The following RAB3D variants were observed in gnomAD, a reference collection of about 807,000 sequenced individuals.
RAB3D encodes the protein RAB3D, member RAS oncogene family.
Under a neutral mutation model 19.3 loss-of-function variants are expected in RAB3D, and 17 were observed. The observed-to-expected ratio is 0.88, with a 90% CI of 0.60 to 1.32. RAB3D has a LOEUF of 1.32. Ranked by LOEUF, RAB3D falls within the 40% of genes most tolerant of loss-of-function variation. The probability of loss-of-function intolerance (pLI) is 0.00; values close to 1 mark genes in which losing one functional copy is unlikely to be tolerated. For missense variants in RAB3D, 223 were observed against 299.1 expected, an observed-to-expected ratio of 0.75 and a Z score of 1.88; for synonymous variants, 103 against 119.9, an observed-to-expected ratio of 0.86 and a Z score of 0.92.
At chr19:11,335,405 G>C in intron 4 of RAB3D, 42 bp downstream of exon 4, 5 of 1,610,796 alleles carry the variant, frequency 3.1e-6, no homozygotes, top group Non-Finnish European at 4.2e-6. Context: ...TGAGGGTTTG[G>C]TTCTGGGAGA....
intron 4 of RAB3D, among the ~76,000 whole-genome samples, chr19:11,335,069 G>A (rs536924655): frequency 6.6e-6 from 1 of 152,220 alleles, no homozygotes; most frequent in African/African-American, 2.4e-5. Flanking sequence ...TTCCATGGCT[G>A]CATAGTATTC....
intron 2 of RAB3D, among the ~76,000 whole-genome samples, chr19:11,336,467 C>T (rs554615073): frequency 1.3e-5 from 2 of 152,136 alleles, no homozygotes; most frequent in African/African-American, 4.8e-5. Context: ...AGCTACCATG[C>T]TGGGCTAATG....
At chr19:11,326,208 C>G (rs970930906) in intron 4 of RAB3D, among the ~76,000 whole-genome samples, 6 of 147,976 alleles carry the variant, frequency 4.1e-5, no homozygotes, top group African/African-American at 1.6e-4. Flanking sequence ...GGCAACAGAG[C>G]GAGATTCTAT....
chr19:11,329,626 A>G (rs1291387692), intron 4 of RAB3D, among the ~76,000 whole-genome samples: 10 of 152,024 alleles, frequency 6.6e-5, no homozygotes, highest in African/African-American at 2.4e-4. Context: ...AAATAAAACA[A>G]AAGAAAAGAA....
rs2080800356 is a variant in RAB3D, at chr19:11,324,592, T to G, written c.*806A>C. 1 of 152,222 alleles carries G rather than the reference T, an allele frequency of 6.6e-6. No individual in the cohort carries two copies. Among genetic ancestry groups the G allele is most frequent in the Non-Finnish European group, 1.5e-5 (1 of 68,002 alleles). 9.4% of individuals were successfully genotyped at this position (152,222 alleles called of 1,614,324 possible). On this transcript the variant is annotated 3_prime_UTR_variant, in exon 5 of 5. Coordinates refer to ENST00000222120, the MANE Select transcript of RAB3D (RefSeq NM_004283.4). ...TCTGGCCGAAAGCCCAGAGCCGGAG[T>G]GCTAGGGGTTGGGCGAATCTCTGCC...
intron 4 of RAB3D, among the ~76,000 whole-genome samples, chr19:11,332,519 A>AT: frequency 6.6e-6 from 1 of 152,168 alleles, no homozygotes; most frequent in African/African-American, 2.4e-5. Context: ...TAATTTTTGC[A>AT]TTTTTTTGTA....
At chr19:11,333,654 G>T (rs564724639) in intron 4 of RAB3D, among the ~76,000 whole-genome samples, 2 of 151,988 alleles carry the variant, frequency 1.3e-5, no homozygotes, top group African/African-American at 4.8e-5. Flanking sequence ...GGGAAAGCTG[G>T]GGTTAAAAAC....
At chr19:11,338,347 C>G (rs1372605543) in intron 1 of RAB3D, among the ~76,000 whole-genome samples, 1 of 152,196 alleles carries the variant, frequency 6.6e-6, no homozygotes. Flanking sequence ...TGGACTTCGC[C>G]CCAGCGTGTG....
At chr19:11,328,427 G>A (rs910107695) in intron 4 of RAB3D, among the ~76,000 whole-genome samples, 34 of 150,970 alleles carry the variant, frequency 2.3e-4, no homozygotes, top group Non-Finnish European at 2.9e-5. Context: ...GGAGGTGGGC[G>A]GATCACGAGG....
At chr19:11,328,281 C>T (rs1432423606) in intron 4 of RAB3D, among the ~76,000 whole-genome samples, 3 of 143,454 alleles carry the variant, frequency 2.1e-5, no homozygotes. Context: ...TTGCAGTGAG[C>T]CGAGATTGTG....
rs2080848894 is a variant in RAB3D, at chr19:11,335,448, A to G, written c.471T>C (p.Leu157=). Residue 157 remains leucine, a splice_region_variant and synonymous_variant, in exon 4 of 5, where the codon CTT becomes CTC. Coordinates refer to ENST00000222120, the MANE Select transcript of RAB3D (RefSeq NM_004283.4). The part of the protein sequence containing the change: ...AEDGRRLADD[L]GFEFFEASAK... The stretch of plus-strand genomic sequence containing the variant: ...CTGTGGCCCAGGCTGGGCACTAACC[A>G]AGGTCGTCGGCGAGCCTCCGGCCAT... 1 of 1,614,088 alleles carries G rather than the reference A, an allele frequency of 6.2e-7. No homozygotes were observed. Among genetic ancestry groups the G allele is most frequent in the Non-Finnish European group, 8.5e-7 (1 of 1,180,000 alleles).
intron 2 of RAB3D, among the ~76,000 whole-genome samples, chr19:11,336,233 G>T (rs1047349073): frequency 2.0e-5 from 3 of 152,120 alleles, no homozygotes; most frequent in Non-Finnish European, 4.4e-5. Flanking sequence ...GTCCAATGGG[G>T]GTCCCAGGGT....
intron 4 of RAB3D, among the ~76,000 whole-genome samples, chr19:11,333,225 G>A (rs1025047155): frequency 1.3e-5 from 2 of 151,604 alleles, no homozygotes; most frequent in Non-Finnish European, 2.9e-5. Flanking sequence ...GACTACCGGC[G>A]CCCACCACCA....
rs552457563 is a variant in RAB3D at position 11,331,683 on chromosome 19, G to A, written c.472+3764C>T. Among the ~76,000 whole-genome samples, 310 of 151,980 alleles carry A rather than the reference G, an allele frequency of 2.0e-3. 2 individuals are homozygous for A. Among genetic ancestry groups the A allele is most frequent in the African/African-American group, 7.2e-3 (299 of 41,468 alleles). ...CTTTAAACTTATTTTGTAGAGTTGGGGTCTCACTATGTTGCCCAGGCTGGT... is the reference window on the plus strand; with the variant it reads ...CTTTAAACTTATTTTGTAGAGTTGGAGTCTCACTATGTTGCCCAGGCTGGT... On this transcript the variant is annotated intron_variant, in intron 4 of 4. Coordinates refer to ENST00000222120, the MANE Select transcript of RAB3D (RefSeq NM_004283.4).
intron 4 of RAB3D, among the ~76,000 whole-genome samples, chr19:11,327,492 G>A (rs187508023): frequency 3.3e-5 from 5 of 152,276 alleles, no homozygotes; most frequent in Non-Finnish European, 7.3e-5. Flanking sequence ...TCCGTCTCCC[G>A]AGTTCAAGCG....
intron 4 of RAB3D, among the ~76,000 whole-genome samples, chr19:11,334,973 C>T (rs911239103): frequency 1.2e-4 from 18 of 152,066 alleles, no homozygotes; most frequent in African/African-American, 4.1e-4. Context: ...GCCGAGATCG[C>T]GCCACTGCAC....
At chr19:11,330,006 T>G (rs1307898237) in intron 4 of RAB3D, among the ~76,000 whole-genome samples, 3 of 152,076 alleles carry the variant, frequency 2.0e-5, no homozygotes, top group Non-Finnish European at 2.9e-5. Flanking sequence ...TTAAACATAA[T>G]AACAGAAAGT....
chr19:11,325,162 G>T lies in RAB3D; in HGVS notation c.*236C>A. On this transcript the variant is annotated 3_prime_UTR_variant, in exon 5 of 5. Transcript: ENST00000222120. ...AGCTCATGCACGTCAGTGTCCCTGG[G>T]CCTCTGCCTGCCATGCAGAGCTGAG... is the stretch of plus-strand genomic sequence containing the variant. The T allele has an allele frequency of 2.1e-6, 1 of 477,780 alleles. No homozygotes were observed. The highest frequency in any genetic ancestry group is 3.8e-6 in the Non-Finnish European group (1 of 261,222). The allele number at this position is 477,780 out of a possible 1,614,324, so 29.6% of individuals were successfully genotyped here. A position where few individuals can be genotyped will look rare whatever the true frequency, so the allele number is the denominator to read the frequency against.
chr19:11,337,892 C>T (rs1966912084), intron 1 of RAB3D, among the ~76,000 whole-genome samples: 1 of 151,972 alleles, frequency 6.6e-6, no homozygotes, highest in Non-Finnish European at 1.5e-5. Context: ...ATGCTGGTTT[C>T]AAACTCCTCT....
Sources: gnomAD v4.1 joint callset for allele counts (sites outside exome capture counted in the v4.1 genomes callset) on GRCh38, gnomAD v4.1.1 for gene constraint, MANE v1.5 for transcripts, NCBI Gene and HGNC (gene_info 2026-07-23, HGNC 2026-07-21) for gene names.